Variants in ADAMTSL1 observed in about 807,000 individuals in gnomAD.
The protein encoded by ADAMTSL1 is ADAMTS-like protein 1.
Under a neutral mutation model 201.8 loss-of-function variants are expected in ADAMTSL1, and 126 were observed. The observed-to-expected ratio is 0.62, with a 90% confidence interval of 0.54 to 0.72. ADAMTSL1 has a LOEUF of 0.72. Among genes scored for constraint, ADAMTSL1 ranks in the 30% least tolerant of loss-of-function variants. The pLI is 0.00. For synonymous variants in ADAMTSL1, 1,121 were observed against 903.4 expected (o/e 1.24, Z -4.32); for missense variants, 2,679 against 2,277.8 (o/e 1.18, Z -3.59).
chr9:18,657,543 AC>A (rs1298777111), intron 7 of ADAMTSL1, 95 bp from the exon 8 acceptor site: 1 of 860,754 alleles, frequency 1.2e-6, no homozygotes, highest in African/African-American at 1.6e-5. Context: ...ACAGCCTAAA[AC>A]CATCAGCACT....
At chr9:18,399,226 A>C (rs2133255676) in intron 2 of ADAMTSL1, among the ~76,000 whole-genome samples, 1 of 143,720 alleles carries the variant, frequency 7.0e-6, no homozygotes, top group Non-Finnish European at 1.5e-5. Flanking sequence ...GATAATTCAC[A>C]AACTTAAGGA....
chr9:18,179,868 G>A (rs1248798829), intron 2 of ADAMTSL1, among the ~76,000 whole-genome samples: 1 of 152,042 alleles, frequency 6.6e-6, no homozygotes, highest in Non-Finnish European at 1.5e-5. Flanking sequence ...AAGAGCTCCT[G>A]AAGGAAGCGC....
At chr9:18,816,399 G>T (rs1823850287) in intron 20 of ADAMTSL1, among the ~76,000 whole-genome samples, 1 of 151,992 alleles carries the variant, frequency 6.6e-6, no homozygotes, top group Non-Finnish European at 1.5e-5. Context: ...ACCACACCCG[G>T]TTAATTTTTG....
chr9:18,323,727 T>A (rs1011587123), intron 2 of ADAMTSL1, among the ~76,000 whole-genome samples: 1 of 152,204 alleles, frequency 6.6e-6, no homozygotes, highest in African/African-American at 2.4e-5. Flanking sequence ...AATACTTTTT[T>A]CAATAGCTTT....
chr9:18,680,323 C>T lies in ADAMTSL1; in HGVS notation c.1148C>T (p.Thr383Ile). 1 of 1,614,066 alleles carries T rather than the reference C, an allele frequency of 6.2e-7. No homozygotes were observed. The highest frequency in any genetic ancestry group is 8.5e-7 in the Non-Finnish European group (1 of 1,180,014). ...LYHPLPRWEA[T>I]PWTACSSSCG... is the part of the protein sequence containing the mutation. ...CCTTGCTTCTGTAGGTGGGAGGCCA[C>T]CCCATGGACCGCGTGCTCCTCCTCG... is the stretch of plus-strand genomic sequence containing the variant. Residue 383 changes from threonine (T) to isoleucine (I), a missense_variant, in exon 11 of 29, where the codon ACC becomes ATC. Coordinates refer to ENST00000380548, the MANE Select transcript of ADAMTSL1 (RefSeq NM_001040272.6).
Position 18,806,299 on chromosome 9 carries a change from G to A in ADAMTSL1, c.3805+10775G>A, listed in dbSNP as rs1823113487. 2.0e-5 allele frequency among the ~76,000 whole-genome samples: 3 copies of A among 152,180 alleles called. No individual in the cohort carries two copies. The South Asian group carries it at 6.2e-4, about 32-fold the overall frequency. ...TTTTTGTACTTTGGGCCAAGAAGTGGCACACTTCACGTCTGTTCATGTTCC... is the reference window on the plus strand; with the variant it reads ...TTTTTGTACTTTGGGCCAAGAAGTGACACACTTCACGTCTGTTCATGTTCC... On this transcript the variant is annotated intron_variant, in intron 20 of 28. Transcript: ENST00000380548.
intron 1 of ADAMTSL1, among the ~76,000 whole-genome samples, chr9:17,954,598 T>C (rs375506235): frequency 6.6e-6 from 1 of 152,208 alleles, no homozygotes; most frequent in East Asian, 1.9e-4. Context: ...TGGAATTGTG[T>C]AACTTGGTGA....
At chr9:18,331,512 A>G (rs997493635) in intron 2 of ADAMTSL1, among the ~76,000 whole-genome samples, 5 of 152,188 alleles carry the variant, frequency 3.3e-5, no homozygotes, top group African/African-American at 1.2e-4. Flanking sequence ...CCTTGCTGTT[A>G]TAATACAGTG....
chr9:18,856,583 C>A (rs1199525479), intron 23 of ADAMTSL1, among the ~76,000 whole-genome samples: 2 of 150,680 alleles, frequency 1.3e-5, no homozygotes, highest in Admixed American at 1.3e-4. Flanking sequence ...TGTGCCTCAG[C>A]CTCCTGAGTA....
chr9:18,494,446 G>A (rs938080513), intron 1 of ADAMTSL1, among the ~76,000 whole-genome samples: 4 of 151,952 alleles, frequency 2.6e-5, no homozygotes, highest in African/African-American at 4.8e-5. Flanking sequence ...TCTTAGAGCA[G>A]GAGCAGGAGT....
intron 2 of ADAMTSL1, among the ~76,000 whole-genome samples, chr9:18,465,584 C>T (rs888603988): frequency 1.3e-5 from 2 of 152,172 alleles, no homozygotes; most frequent in African/African-American, 4.8e-5. Flanking sequence ...CCACTTGCTC[C>T]ACTGAATGTC....
intron 1 of ADAMTSL1, 142 bp from the exon 2 acceptor site, chr9:18,504,687 A>G: frequency 8.3e-7 from 1 of 1,206,414 alleles, no homozygotes; most frequent in South Asian, 1.3e-5. Flanking sequence ...TGAAATGGAA[A>G]AGAATCCGAG....
At chr9:17,952,307 C>T (rs1332996022) in intron 1 of ADAMTSL1, among the ~76,000 whole-genome samples, 2 of 152,034 alleles carry the variant, frequency 1.3e-5, no homozygotes, top group East Asian at 1.9e-4. Flanking sequence ...CAAATTCCTA[C>T]CCTGAAATAA....
At chr9:18,004,451 T>C (rs1819735412) in intron 1 of ADAMTSL1, among the ~76,000 whole-genome samples, 1 of 151,864 alleles carries the variant, frequency 6.6e-6, no homozygotes, top group Non-Finnish European at 1.5e-5. Context: ...ACAAAGCAAG[T>C]GAAGGCACAG....
chr9:18,200,825 A>G (rs1563803898), intron 2 of ADAMTSL1, among the ~76,000 whole-genome samples: 1 of 152,038 alleles, frequency 6.6e-6, no homozygotes, highest in Non-Finnish European at 1.5e-5. Flanking sequence ...GAGTAACAGA[A>G]TACAAGGATA....
At chr9:17,967,888 A>G (rs1778170) in intron 1 of ADAMTSL1, among the ~76,000 whole-genome samples, 120,610 of 152,054 alleles carry the variant, frequency 0.79, 48,660 homozygotes, top group East Asian at 0.94. Context: ...GGGATCATGA[A>G]AAGTCTATTC....
chr9:18,236,660 A>G (rs1220545492), intron 2 of ADAMTSL1, among the ~76,000 whole-genome samples: 1 of 152,232 alleles, frequency 6.6e-6, no homozygotes, highest in Non-Finnish European at 1.5e-5. Flanking sequence ...TTCAGTATCT[A>G]TTGATACAAT....
chr9:18,328,381 T>C (rs570913020), intron 2 of ADAMTSL1, among the ~76,000 whole-genome samples: 1 of 152,364 alleles, frequency 6.6e-6, no homozygotes, highest in East Asian at 1.9e-4. Context: ...CCTGAGGACA[T>C]GAACTGTGAC....
At chr9:18,641,757 AATT>A in intron 7 of ADAMTSL1, among the ~76,000 whole-genome samples, 1 of 151,978 alleles carries the variant, frequency 6.6e-6, no homozygotes. Context: ...TCTCTTCCCT[AATT>A]TTCCTCAGAG....
Sources: gnomAD v4.1 joint callset for allele counts (sites outside exome capture counted in the v4.1 genomes callset) on GRCh38, gnomAD v4.1.1 for gene constraint, MANE v1.5 for transcripts, NCBI Gene and HGNC (gene_info 2026-07-23, HGNC 2026-07-21) for gene names.